The following ISLR2 variants were observed in gnomAD, a reference collection of about 807,000 sequenced individuals.
ISLR2 encodes the protein immunoglobulin superfamily containing leucine rich repeat 2, also known as immunoglobulin superfamily containing leucine-rich repeat protein 2.
A neutral mutation model predicts 25.5 loss-of-function variants in ISLR2; 16 were observed. The observed-to-expected ratio is 0.63, with a 90% CI of 0.43 to 0.95. The LOEUF (loss-of-function observed/expected upper bound fraction) is 0.95. Among genes scored for constraint, ISLR2 ranks in the 40% least tolerant of loss-of-function variants. The pLI is 0.00. For missense variants in ISLR2, 883 were observed against 1,030.7 expected, an observed-to-expected ratio of 0.86 and a Z score of 1.96; for synonymous variants, 508 against 486.6, an observed-to-expected ratio of 1.04 and a Z score of -0.58.
rs373225895 is a variant in ISLR2, at chr15:74,134,378, C to T, written c.1624C>T (p.Gln542Ter). 3.7e-6 allele frequency: 6 copies of T among 1,606,486 alleles called. No homozygotes were observed. In the Admixed American group the frequency reaches 1.0e-4, roughly 27 times the overall value. The change falls in exon 3 of 3, where the codon CAG becomes TAG. Residue 542 changes from glutamine to a stop codon, truncating the protein, a stop_gained. Transcript: ENST00000453268. LOFTEE classifies it high-confidence loss of function. Reference sequence around the variant, plus strand: ...TCCAGCGGGGGGCGGCGCGGCAGTGCAGTGGTCCCGCGTAGAGGAAGGCGT... The same window carrying T: ...TCCAGCGGGGGGCGGCGCGGCAGTGTAGTGGTCCCGCGTAGAGGAAGGCGT... Reference protein sequence around the residue: ...LCPAGGGAAVQWSRVEEGVNA... With the variant: ...LCPAGGGAAV
At chr15:74,104,007 A>G (rs1029876454) in intron 2 of ISLR2, 1 of 152,152 alleles carries the variant, frequency 6.6e-6, no homozygotes, top group African/African-American at 2.4e-5. Context: ...GTATTTCTTC[A>G]TAGCAGCATG....
rs746355158 is a variant in ISLR2, at chr15:74,133,309, C to T, written c.555C>T (p.Cys185=). Residue 185 remains cysteine (C), a synonymous_variant, in exon 3 of 3, where the codon TGC becomes TGT. Coordinates refer to ENST00000453268, the MANE Select transcript of ISLR2 (RefSeq NM_020851.3). ...AACTCTATCACAATCCCTTCCACTGCGGCTGCGGCCTTGTGTGGCTGCAGG... is the reference window on the plus strand; with the variant it reads ...AACTCTATCACAATCCCTTCCACTGTGGCTGCGGCCTTGTGTGGCTGCAGG... ...HLQLYHNPFH[C]GCGLVWLQAW... is the part of the protein sequence containing the mutation. 2 of 1,610,218 alleles carry T rather than the reference C, an allele frequency of 1.2e-6. No homozygotes were observed. The highest frequency in any genetic ancestry group is 2.2e-5 in the South Asian group (2 of 91,064).
Position 74,133,500 on chromosome 15 carries a change from C to G in ISLR2, c.746C>G (p.Pro249Arg). The change falls in exon 3 of 3, where the codon CCA becomes CGA. Residue 249 changes from proline (P) to arginine (R), a missense_variant. Around this residue, in one of 2 missense-constraint regions of ISLR2, gnomAD observed 271 missense variants for 387.9 expected, o/e 0.70. Coordinates refer to ENST00000453268, the MANE Select transcript of ISLR2 (RefSeq NM_020851.3). ...AEPPLEAPGTPLRAGLAFVLH... is the reference protein window; with the variant it reads ...AEPPLEAPGTRLRAGLAFVLH... ...CCACCGCTTGAAGCACCCGGCACCC[C>G]ACTGCGCGCAGGACTGGCGTTCGTG... The G allele has an allele frequency of 6.2e-7, 1 of 1,613,934 alleles. No homozygotes were observed.
At chr15:74,125,270 C>G (rs1595941764), upstream of ISLR2, among the ~76,000 whole-genome samples, 1 of 152,156 alleles carries the variant, frequency 6.6e-6, no homozygotes, top group African/African-American at 2.4e-5. Flanking sequence ...CAGAGTCTCA[C>G]TCTGTTGCCC....
At chr15:74,138,807 A>C (rs1011306245), downstream of ISLR2, among the ~76,000 whole-genome samples, 1 of 152,226 alleles carries the variant, frequency 6.6e-6, no homozygotes, top group East Asian at 1.9e-4. Flanking sequence ...TCTCTTAGGA[A>C]GACACCTGTT....
downstream of ISLR2, among the ~76,000 whole-genome samples, chr15:74,141,734 A>AAGATCACACAGCTGGCAATTTGC (rs2072611704): frequency 6.6e-6 from 1 of 152,162 alleles, no homozygotes; most frequent in Non-Finnish European, 1.5e-5. Context: ...TAGTTTGTTG[A>AAGATCACACAGCTGGCAATTTGC]AGATCACACA....
upstream of ISLR2, among the ~76,000 whole-genome samples, chr15:74,124,842 G>T (rs2141939901): frequency 6.6e-6 from 1 of 152,332 alleles, no homozygotes; most frequent in South Asian, 2.1e-4. Context: ...GGCACCAAGG[G>T]ACCCAGTCCT....
chr15:74,134,854 A>G lies in ISLR2; in HGVS notation c.2100A>G (p.Ser700=). 1 of 1,614,134 alleles carries G rather than the reference A, an allele frequency of 6.2e-7. No individual in the cohort carries two copies. Among genetic ancestry groups the G allele is most frequent in the South Asian group, 1.1e-5 (1 of 91,084 alleles). ...GAGAGGAGAGCCTGGCGGCCTGCTC[A>G]CTGGTGGAGTCCCAGTCCAAGGCCA... ...LQREESLAAC[S]LVESQSKANQ... The change falls in exon 3 of 3, where the codon TCA becomes TCG. Residue 700 remains serine (S), a synonymous_variant. Coordinates refer to ENST00000453268, the MANE Select transcript of ISLR2 (RefSeq NM_020851.3).
upstream of ISLR2, chr15:74,126,091 G>C (rs527788918): frequency 3.6e-4 from 55 of 152,202 alleles, no homozygotes; most frequent in African/African-American, 1.3e-3. Context: ...TGTGTGCAAA[G>C]GGGGTGGTGG....
rs929561791 is a variant in ISLR2, at chr15:74,132,374, G to A, written c.-8-373G>A. ...GTCACGGACAAAAATGTCCTTCTTGGGTAGGATCCATTTCACCAGGTTAAA... is the reference window on the plus strand; with the variant it reads ...GTCACGGACAAAAATGTCCTTCTTGAGTAGGATCCATTTCACCAGGTTAAA... On this transcript the variant is annotated intron_variant, in intron 2 of 2. Transcript: ENST00000453268. The surrounding 1 kb of genome is among the most constrained non-coding windows in gnomAD (Gnocchi z 4.3). Among the ~76,000 whole-genome samples the A allele has an allele frequency of 6.6e-6, 1 of 152,180 alleles. No homozygotes were observed. Among genetic ancestry groups the A allele is most frequent in the African/African-American group, 2.4e-5 (1 of 41,430 alleles).
chr15:74,140,436 A>G (rs1376272055), downstream of ISLR2, among the ~76,000 whole-genome samples: 1 of 152,210 alleles, frequency 6.6e-6, no homozygotes, highest in Non-Finnish European at 1.5e-5. Flanking sequence ...CCTGCCCCAC[A>G]TTTGTTAACA....
At chr15:74,113,761 G>A (rs2072189149) in intron 2 of ISLR2, among the ~76,000 whole-genome samples, 1 of 152,144 alleles carries the variant, frequency 6.6e-6, no homozygotes, top group Non-Finnish European at 1.5e-5. Flanking sequence ...TGAATGTCTG[G>A]GATATTCATC....
chr15:74,136,298 G>T lies in ISLR2; in HGVS notation c.*1306G>T. On this transcript the variant is annotated 3_prime_UTR_variant, in exon 3 of 3. Transcript: ENST00000453268. The stretch of plus-strand genomic sequence containing the variant: ...GCGCCGGAGGCGGAGGAAGCTGACT[G>T]TGGCCTCCCGGGCCGCGGCTCTCTG... 6.0e-6 allele frequency: 1 copy of T among 165,520 alleles called. No homozygotes were observed. 10.3% of individuals were successfully genotyped at this position (165,520 alleles called of 1,614,324 possible).
intron 2 of ISLR2, among the ~76,000 whole-genome samples, chr15:74,107,646 T>C (rs2072131659): frequency 1.3e-5 from 2 of 152,078 alleles, no homozygotes; most frequent in Non-Finnish European, 2.9e-5. Context: ...CCTTCCCACC[T>C]CCTGATGTTT....
Position 74,132,819 on chromosome 15 carries a change from A to T in ISLR2, c.65A>T (p.Glu22Val). The change falls in exon 3 of 3, where the codon GAG (glutamate) becomes GTG (valine). Residue 22 changes from glutamate to valine, a missense_variant. Physicochemically the swap from Glu to Val is moderately radical, Grantham distance 121. Transcript: ENST00000453268. The surrounding 1 kb of genome is among the most constrained non-coding windows in gnomAD (Gnocchi z 4.3). Reference protein sequence around the residue: ...ALLGVAGSCPEPCACVDKYAH... With the variant: ...ALLGVAGSCPVPCACVDKYAH... ...CTAGGAGTGGCCGGATCATGCCCGG[A>T]GCCGTGCGCCTGCGTGGACAAGTAC... The T allele has an allele frequency of 6.2e-7, 1 of 1,614,016 alleles. No homozygotes were observed. The highest frequency in any genetic ancestry group is 8.5e-7 in the Non-Finnish European group (1 of 1,179,930).
chr15:74,106,414 A>G (rs1194718287), intron 2 of ISLR2, among the ~76,000 whole-genome samples: 1 of 152,026 alleles, frequency 6.6e-6, no homozygotes, highest in African/African-American at 2.4e-5. Flanking sequence ...TATGGCCTTC[A>G]ATGACCGCAG....
chr15:74,127,173 G>A (rs2072309270), upstream of ISLR2: 1 of 152,144 alleles, frequency 6.6e-6, no homozygotes, highest in African/African-American at 2.4e-5. Context: ...ACAAGGGCAA[G>A]TACAACTCTG....
At chr15:74,111,591 T>TGTTC (rs567544681) in intron 2 of ISLR2, among the ~76,000 whole-genome samples, 1 of 150,826 alleles carries the variant, frequency 6.6e-6, no homozygotes, top group Non-Finnish European at 1.5e-5. Context: ...GCCAGGCCTC[T>TGTTC]ATTCATTCAT....
At chr15:74,100,354 G>T (rs2072074737) in exon 1 of ISLR2, 2 of 1,212,472 alleles carry the variant, frequency 1.6e-6, no homozygotes, top group Non-Finnish European at 2.1e-6. Flanking sequence ...CCCGCTGGAG[G>T]TGCCGGGGGC....
Sources: allele counts gnomAD v4.1 joint callset (sites outside exome capture counted in the v4.1 genomes callset), GRCh38; gene constraint gnomAD v4.1.1; regional missense constraint gnomAD v4.1.1; non-coding constraint Gnocchi (gnomAD v3.1); transcripts MANE v1.5; gene names NCBI Gene and HGNC (gene_info 2026-07-23, HGNC 2026-07-21).